The following XRN1 variants were observed in gnomAD, a reference collection of about 807,000 sequenced individuals.
XRN1 encodes 5'-3' exoribonuclease 1.
XRN1 carries 67 observed loss-of-function variants against 222.3 expected under a neutral mutation model. The ratio of observed to expected loss-of-function variants is 0.30; its 90% CI spans 0.25 to 0.37. XRN1 has a LOEUF of 0.37. XRN1 is among the 10% of genes least tolerant of loss of function. XRN1 has a pLI of 1.00. For missense variants in XRN1, 1,707 were observed against 2,000.2 expected (o/e 0.85, Z 2.80); for synonymous variants, 643 against 652.4 (o/e 0.99, Z 0.22).
At chr3:142,441,607 A>G (rs999282143) in intron 1 of XRN1, among the ~76,000 whole-genome samples, 6 of 152,232 alleles carry the variant, frequency 3.9e-5, no homozygotes, top group African/African-American at 1.4e-4. Flanking sequence ...TTAAAATAAT[A>G]CAGGGAAGAG....
rs138158783 is a variant in XRN1 at position 142,391,296 on chromosome 3, G to A, written c.2339+6033C>T. Among the ~76,000 whole-genome samples the A allele has an allele frequency of 3.6e-3, 555 of 152,136 alleles. 2 individuals carry two copies. Among genetic ancestry groups the A allele is most frequent in the East Asian group, 0.028 (147 of 5,180 alleles). ...ATAAAACAAGGTATGGCTGTATTTCGATGCTTCTATTAAAATAAAATCCCC... is the reference window on the plus strand; with the variant it reads ...ATAAAACAAGGTATGGCTGTATTTCAATGCTTCTATTAAAATAAAATCCCC... On this transcript the variant is annotated intron_variant, in intron 20 of 40. Coordinates refer to ENST00000392981, the MANE Select transcript of XRN1 (RefSeq NM_001282857.2).
Position 142,397,405 on chromosome 3 carries a change from G to A in XRN1, c.2263C>T (p.Pro755Ser). The change falls in exon 20 of 41, where the codon CCA becomes TCA. Residue 755 changes from proline (P) to serine (S), a missense_variant. Physicochemically the swap from Pro to Ser is moderately conservative, Grantham distance 74. Coordinates refer to ENST00000392981, the MANE Select transcript of XRN1 (RefSeq NM_001282857.2). ...TQKLYSGRTA[P>S]PSKVVHLGDK... Reference sequence around the variant, plus strand: ...CCAAGATGAACCACTTTAGATGGTGGGGCAGTTCTTCCTGAATAAAGCTTC... The same window carrying A: ...CCAAGATGAACCACTTTAGATGGTGAGGCAGTTCTTCCTGAATAAAGCTTC... The A allele has an allele frequency of 1.2e-6, 2 of 1,608,430 alleles. No individual in the cohort carries two copies. Among genetic ancestry groups the A allele is most frequent in the Admixed American group, 1.7e-5 (1 of 59,650 alleles).
At chr3:142,350,538 T>G (rs1247391728) in intron 32 of XRN1, among the ~76,000 whole-genome samples, 1 of 152,096 alleles carries the variant, frequency 6.6e-6, no homozygotes, top group Non-Finnish European at 1.5e-5. Flanking sequence ...CAGAAGGACA[T>G]GATCTCTGAC....
At position 142,400,647 on chromosome 3, in the gene XRN1, T is replaced by C. The variant is rs2068092891; in HGVS notation, c.2104-100A>G. ...ATCTCCATTTAAGTTTTTTAAATTC[T>C]AAAATAAACAAGTTGGGGCCGGGTG... On this transcript the variant is annotated intron_variant, in intron 18 of 40. Transcript: ENST00000392981. 4.5e-6 allele frequency: 4 copies of C among 889,894 alleles called. 1 individual carries two copies. The highest frequency in any genetic ancestry group is 6.9e-6 in the Non-Finnish European group (4 of 578,914). The allele number at this position is 889,894 out of a possible 1,614,324, so 55.1% of individuals were successfully genotyped here.
intron 39 of XRN1, 124 bp downstream of exon 39, chr3:142,318,468 C>T (rs2065264359): frequency 1.1e-6 from 1 of 897,832 alleles, no homozygotes; most frequent in African/African-American, 1.7e-5. Flanking sequence ...CAGGCTGTGG[C>T]TTTAGGCTTT....
intron 18 of XRN1, among the ~76,000 whole-genome samples, chr3:142,400,910 C>T (rs1391190478): frequency 6.6e-6 from 1 of 151,500 alleles, no homozygotes. Flanking sequence ...GAGCAAGACT[C>T]CGTCTCAAAA....
chr3:142,418,923 T>C (rs1220028547), intron 10 of XRN1, 42 bp from the exon 11 acceptor site: 1 of 1,572,704 alleles, frequency 6.4e-7, no homozygotes, highest in Admixed American at 1.7e-5. Flanking sequence ...GCAAGATACA[T>C]TTCAAAATGA....
chr3:142,414,903 T>C (rs1195774256), intron 13 of XRN1, among the ~76,000 whole-genome samples: 1 of 152,230 alleles, frequency 6.6e-6, no homozygotes, highest in Admixed American at 6.5e-5. Flanking sequence ...AAAATGTTGA[T>C]AGTGAATCTT....
At chr3:142,349,340 C>T (rs1034130400) in intron 32 of XRN1, among the ~76,000 whole-genome samples, 3 of 151,990 alleles carry the variant, frequency 2.0e-5, no homozygotes, top group African/African-American at 7.2e-5. Flanking sequence ...TACAGCAGTA[C>T]ATTATGGGTG....
intron 32 of XRN1, 76 bp from the exon 33 acceptor site, chr3:142,347,418 TAC>T: frequency 2.2e-6 from 2 of 917,752 alleles, no homozygotes; most frequent in Non-Finnish European, 3.1e-6. Context: ...TTTTAATAAA[TAC>T]ATTTTTATAA....
At chr3:142,379,198 G>A (rs564691088) in intron 23 of XRN1, among the ~76,000 whole-genome samples, 2 of 152,300 alleles carry the variant, frequency 1.3e-5, no homozygotes, top group Non-Finnish European at 2.9e-5. Flanking sequence ...TTGAACCAGG[G>A]AGGCAGAGGT....
intron 32 of XRN1, among the ~76,000 whole-genome samples, chr3:142,351,101 A>G (rs956303845): frequency 3.9e-5 from 6 of 152,072 alleles, no homozygotes; most frequent in African/African-American, 1.4e-4. Context: ...TTTCTCTATC[A>G]TCTATCTATC....
intron 15 of XRN1, among the ~76,000 whole-genome samples, chr3:142,411,891 G>A (rs1428437369): frequency 1.3e-5 from 2 of 149,746 alleles, no homozygotes; most frequent in Non-Finnish European, 3.0e-5. Flanking sequence ...GCGCGATCTC[G>A]GTTCACTGTA....
intron 30 of XRN1, among the ~76,000 whole-genome samples, chr3:142,358,709 A>G (rs537727197): frequency 6.6e-6 from 1 of 152,316 alleles, no homozygotes; most frequent in Non-Finnish European, 1.5e-5. Flanking sequence ...GGAGATCCGG[A>G]TTCTGCTGCT....
chr3:142,325,793 C>T (rs1280015159), intron 37 of XRN1, among the ~76,000 whole-genome samples: 4 of 152,068 alleles, frequency 2.6e-5, no homozygotes, highest in Admixed American at 6.6e-5. Context: ...AGTTTAATAG[C>T]TACAGATCTA....
intron 1 of XRN1, among the ~76,000 whole-genome samples, chr3:142,442,077 T>C (rs1166767120): frequency 6.6e-6 from 1 of 152,194 alleles, no homozygotes; most frequent in Non-Finnish European, 1.5e-5. Flanking sequence ...GCAAAACTAA[T>C]AGCCCTCACT....
intron 5 of XRN1, among the ~76,000 whole-genome samples, chr3:142,423,960 C>G (rs935248091): frequency 2.0e-5 from 3 of 151,854 alleles, no homozygotes; most frequent in Admixed American, 6.6e-5. Context: ...CGTGGGGGAA[C>G]TGGTTAGAAA....
chr3:142,334,751 T>C (rs1577239723), intron 34 of XRN1, among the ~76,000 whole-genome samples: 1 of 140,824 alleles, frequency 7.1e-6, no homozygotes, highest in East Asian at 2.0e-4. Context: ...TGTGTGTGTA[T>C]ATATATGTCT....
chr3:142,341,849 G>A (rs1355915337), intron 33 of XRN1, among the ~76,000 whole-genome samples: 2 of 152,062 alleles, frequency 1.3e-5, no homozygotes, highest in African/African-American at 2.4e-5. Context: ...TGATAAAGAG[G>A]TCAATTCAGC....
Sources: allele counts gnomAD v4.1 joint callset (sites outside exome capture counted in the v4.1 genomes callset), GRCh38; gene constraint gnomAD v4.1.1; transcripts MANE v1.5; gene names NCBI Gene and HGNC (gene_info 2026-07-23, HGNC 2026-07-21).